Variants in LRRC43 observed in about 807,000 individuals in gnomAD.
LRRC43 encodes leucine-rich repeat-containing protein 43.
Under a neutral mutation model 64.3 loss-of-function variants are expected in LRRC43, and 62 were observed. The ratio of observed to expected loss-of-function variants is 0.96; its 90% CI spans 0.79 to 1.19. LRRC43 has a LOEUF of 1.19. LRRC43 is among the 50% of genes most tolerant of loss of function. LRRC43 has a pLI of 0.00. For missense variants in LRRC43, 868 were observed against 845.0 expected (o/e 1.03, Z -0.34); for synonymous variants, 422 against 382.3 (o/e 1.10, Z -1.21).
At chr12:122,188,622 G>A (rs768614023) in intron 4 of LRRC43, among the ~76,000 whole-genome samples, 47 of 151,744 alleles carry the variant, frequency 3.1e-4, no homozygotes, top group Admixed American at 1.1e-3. Flanking sequence ...TGTATTTTTA[G>A]TAGAGACGGG....
At chr12:122,177,347 G>A (rs562002444) in intron 1 of LRRC43, among the ~76,000 whole-genome samples, 1 of 152,268 alleles carries the variant, frequency 6.6e-6, no homozygotes, top group Admixed American at 6.5e-5. Context: ...ACTGAGCTTG[G>A]AAGAGGATGC....
At position 122,169,710 on chromosome 12, in the gene LRRC43, C is replaced by T. The variant is rs369320881; in HGVS notation, c.-406+1928C>T. Among the ~76,000 whole-genome samples the T allele has an allele frequency of 6.2e-3, 762 of 123,356 alleles. 11 individuals are homozygous for T. Among genetic ancestry groups the T allele is most frequent in the African/African-American group, 0.022 (665 of 30,886 alleles). 80.9% of individuals were successfully genotyped at this position (123,356 alleles called of 152,430 possible). A position where few individuals can be genotyped will look rare whatever the true frequency, so the allele number is the denominator to read the frequency against. ...CAGCCTGGGCGACAGAGCGAGACTC[C>T]GTCTCAAAAAAAAAAAAAAAAAAAA... On this transcript the variant is annotated intron_variant, in intron 1 of 5. Coordinates refer to the LRRC43 transcript ENST00000537729.
Position 122,203,403 on chromosome 12 carries a change from C to G in LRRC43, c.1932C>G (p.Cys644Trp). ...TVEVQIQLNQ[C>W]RSAEEALRMF... ...AGGTGCAGATCCAGCTGAACCAGTGCCGCTCGGCGGAGGAGGCTCTGCGCA... is the reference window on the plus strand; with the variant it reads ...AGGTGCAGATCCAGCTGAACCAGTGGCGCTCGGCGGAGGAGGCTCTGCGCA... Residue 644 changes from cysteine to tryptophan, a missense_variant, in exon 12 of 12, where the codon TGC becomes TGG. By Grantham distance (215) the Cys-to-Trp change is radical. Transcript: ENST00000339777. 6.2e-7 allele frequency: 1 copy of G among 1,612,442 alleles called. No individual in the cohort carries two copies. The highest frequency in any genetic ancestry group is 8.5e-7 in the Non-Finnish European group (1 of 1,179,698).
chr12:122,200,490 G>A lies in LRRC43; in HGVS notation c.1492-42G>A, dbSNP rs375815677. On this transcript the variant is annotated intron_variant, in intron 8 of 11. Coordinates refer to ENST00000339777, the MANE Select transcript of LRRC43 (RefSeq NM_001098519.2). The surrounding 1 kb of genome is among the most constrained non-coding windows in gnomAD (Gnocchi z 4.6). ...AGGGAGAGGTGACCCCAGGCAGCCCGCCTGGGCCTCTGCTCACTCGAGGAT... is the reference window on the plus strand; with the variant it reads ...AGGGAGAGGTGACCCCAGGCAGCCCACCTGGGCCTCTGCTCACTCGAGGAT... 5.1e-5 allele frequency: 82 copies of A among 1,613,594 alleles called. No individual in the cohort carries two copies. The highest frequency in any genetic ancestry group is 6.7e-5 in the East Asian group (3 of 44,882).
chr12:122,181,006 A>G (rs1458011273), upstream of LRRC43, among the ~76,000 whole-genome samples: 1 of 151,656 alleles, frequency 6.6e-6, no homozygotes, highest in Non-Finnish European at 1.5e-5. Flanking sequence ...ACTTGAGGTC[A>G]GGAATTCGAG....
In LRRC43 at chr12:122,190,261, A is replaced by G. The variant is rs1245271651; in HGVS notation, c.794A>G (p.Tyr265Cys). 7.4e-6 allele frequency: 12 copies of G among 1,614,030 alleles called. No homozygotes were observed. Among genetic ancestry groups the G allele is most frequent in the East Asian group, 2.2e-5 (1 of 44,882 alleles). The change falls in exon 5 of 12, where the codon TAC (tyrosine) becomes TGC (cysteine). Residue 265 changes from tyrosine to cysteine, a missense_variant. Physicochemically the swap from Tyr to Cys is radical, Grantham distance 194. Transcript: ENST00000339777. Reference sequence around the variant, plus strand: ...GGAAACCCACTGGCCTTGGTGCCCTACTACCGCGGCCTCACCATCGACAGC... The same window carrying G: ...GGAAACCCACTGGCCTTGGTGCCCTGCTACCGCGGCCTCACCATCGACAGC... The part of the protein sequence containing the change: ...LQGNPLALVP[Y>C]YRGLTIDSLA...
At chr12:122,189,220 G>A (rs1297303107) in intron 4 of LRRC43, among the ~76,000 whole-genome samples, 1 of 152,122 alleles carries the variant, frequency 6.6e-6, no homozygotes, top group Non-Finnish European at 1.5e-5. Context: ...AGAAGTCCCA[G>A]GACTTCAGCA....
In LRRC43 at chr12:122,199,386, G is replaced by A. The variant is rs562854164; in HGVS notation, c.1350-803G>A. Among the ~76,000 whole-genome samples the A allele has an allele frequency of 5.4e-5, 8 of 149,392 alleles. No individual in the cohort carries two copies. The East Asian group carries it at 1.6e-3, about 29-fold the overall frequency. ...CAACCTCCACCTCCCAGGTTCAAGC[G>A]ATTCTCCTCCCTCAGCCTCCTGAGT... is the stretch of plus-strand genomic sequence containing the variant. On this transcript the variant is annotated intron_variant, in intron 7 of 11. Transcript: ENST00000339777.
chr12:122,189,314 A>G (rs1953685536), intron 4 of LRRC43: 1 of 420,432 alleles, frequency 2.4e-6, no homozygotes, highest in Admixed American at 2.6e-5. Context: ...TGGGGGGTCC[A>G]ACCCTCTACA....
chr12:122,199,923 G>T (rs763071368), intron 7 of LRRC43, among the ~76,000 whole-genome samples: 1 of 152,154 alleles, frequency 6.6e-6, no homozygotes, highest in South Asian at 2.1e-4. Flanking sequence ...GCTGCCTTTC[G>T]GTTGGTTTCT....
intron 1 of LRRC43, among the ~76,000 whole-genome samples, chr12:122,170,053 T>C (rs1953471761): frequency 6.6e-6 from 1 of 152,142 alleles, no homozygotes. Flanking sequence ...GTGATGTTCC[T>C]GCCTCAGCCT....
Position 122,200,498 on chromosome 12 carries a change from C to T in LRRC43, c.1492-34C>T. Reference sequence around the variant, plus strand: ...GTGACCCCAGGCAGCCCGCCTGGGCCTCTGCTCACTCGAGGATTCTCTCCT... The same window carrying T: ...GTGACCCCAGGCAGCCCGCCTGGGCTTCTGCTCACTCGAGGATTCTCTCCT... On this transcript the variant is annotated intron_variant, in intron 8 of 11. Transcript: ENST00000339777. The surrounding 1 kb of genome is among the most constrained non-coding windows in gnomAD (Gnocchi z 4.6). 2 of 1,613,984 alleles carry T rather than the reference C, an allele frequency of 1.2e-6. No homozygotes were observed. The highest frequency in any genetic ancestry group is 1.1e-5 in the South Asian group (1 of 90,970).
intron 4 of LRRC43, chr12:122,189,423 G>A (rs1025876953): frequency 2.2e-6 from 1 of 456,550 alleles, no homozygotes; most frequent in Non-Finnish European, 4.4e-6. Context: ...GAAGAGTGAG[G>A]CTGGGATTGG....
At chr12:122,201,270 T>C in intron 10 of LRRC43, 26 bp from the exon 11 acceptor site, 1 of 1,613,578 alleles carries the variant, frequency 6.2e-7, no homozygotes, top group Non-Finnish European at 8.5e-7. Context: ...CCAGTAAGCA[T>C]CTCGTTTTGT....
rs552528117 is a variant in LRRC43, at chr12:122,187,091, C to T, written c.523-610C>T. ...TACAAAAATACAAAAATTAGCCAGG[C>T]GTCGTGGCTGGTGCCTGTAATAGCA... On this transcript the variant is annotated intron_variant, in intron 3 of 11. Transcript: ENST00000339777. Among the ~76,000 whole-genome samples, 4 of 148,830 alleles carry T rather than the reference C, an allele frequency of 2.7e-5. No homozygotes were observed. The East Asian group carries it at 8.0e-4, about 30-fold the overall frequency.
chr12:122,201,061 C>T (rs1447203268), intron 10 of LRRC43, 127 bp downstream of exon 10: 16 of 1,242,874 alleles, frequency 1.3e-5, no homozygotes, highest in Non-Finnish European at 1.7e-5. Context: ...GGGCCTTTCC[C>T]TGGGGCATGC....
At position 122,183,298 on chromosome 12, in the gene LRRC43, C is replaced by A; in HGVS notation, c.150+4C>A. 1 of 1,498,124 alleles carries A rather than the reference C, an allele frequency of 6.7e-7. No individual in the cohort carries two copies. The highest frequency in any genetic ancestry group is 8.8e-7 in the Non-Finnish European group (1 of 1,137,384). The allele number at this position is 1,498,124 out of a possible 1,614,324, so 92.8% of individuals were successfully genotyped here. On this transcript the variant is annotated splice_donor_region_variant and intron_variant, in intron 1 of 11. Coordinates refer to ENST00000339777, the MANE Select transcript of LRRC43 (RefSeq NM_001098519.2). Reference sequence around the variant, plus strand: ...CCCGTGCGGTGCCGGCAGCTGGGTGCGGGCGCCGGGGCCGGAACTCTGGGG... The same window carrying A: ...CCCGTGCGGTGCCGGCAGCTGGGTGAGGGCGCCGGGGCCGGAACTCTGGGG...
chr12:122,186,408 G>A, intron 3 of LRRC43, 108 bp downstream of exon 3: 1 of 675,882 alleles, frequency 1.5e-6, no homozygotes, highest in African/African-American at 1.8e-5. Context: ...GTAAGGCCCA[G>A]CTCCAGGCTT....
rs192088829 is a variant in LRRC43 at position 122,184,786 on chromosome 12, G to C, written c.411+7G>C. The stretch of plus-strand genomic sequence containing the variant: ...GCGGGTAATAGACAAGAAGGTCAGT[G>C]CTGGGCACGTGGTAGGTGATGTTAG... On this transcript the variant is annotated splice_region_variant and intron_variant, in intron 2 of 11. Coordinates refer to ENST00000339777, the MANE Select transcript of LRRC43 (RefSeq NM_001098519.2). This position sits in a 1 kb window ranked among gnomAD's most constrained non-coding sequence, Gnocchi z 4.0. 660 of 1,590,466 alleles carry C rather than the reference G, an allele frequency of 4.1e-4. 7 individuals are homozygous for C. In the East Asian group the frequency reaches 0.012, roughly 30 times the overall value.
Sources: allele counts gnomAD v4.1 joint callset (sites outside exome capture counted in the v4.1 genomes callset), GRCh38; gene constraint gnomAD v4.1.1; non-coding constraint Gnocchi (gnomAD v3.1); transcripts MANE v1.5; gene names NCBI Gene and HGNC (gene_info 2026-07-23, HGNC 2026-07-21).